Variants in MATCAP2 observed in about 807,000 individuals in gnomAD.
The protein encoded by MATCAP2 is microtubule associated tyrosine carboxypeptidase 2.
the MATCAP2 span, among the ~76,000 whole-genome samples, chr7:36,330,315 G>A: frequency 6.6e-6 from 1 of 151,884 alleles, no homozygotes; most frequent in Non-Finnish European, 1.5e-5. Flanking sequence ...CAAACTCCTG[G>A]CCTCAAGTGA....
the MATCAP2 span, among the ~76,000 whole-genome samples, chr7:36,345,014 G>A: frequency 6.6e-6 from 1 of 152,146 alleles, no homozygotes; most frequent in Non-Finnish European, 1.5e-5. Context: ...CAGCCTCCTA[G>A]TCCGCATGAA....
At chr7:36,364,839 G>C in the MATCAP2 span, among the ~76,000 whole-genome samples, 3 of 152,182 alleles carry the variant, frequency 2.0e-5, no homozygotes, top group Non-Finnish European at 4.4e-5. Flanking sequence ...GTATATTTAA[G>C]AGAGAAAGTA....
chr7:36,341,688 A>G, the MATCAP2 span, among the ~76,000 whole-genome samples: 1 of 152,180 alleles, frequency 6.6e-6, no homozygotes, highest in South Asian at 2.1e-4. Context: ...TGATCACCTG[A>G]GGCCAGAAGT....
chr7:36,329,710 T>G, the MATCAP2 span, among the ~76,000 whole-genome samples: 38 of 152,208 alleles, frequency 2.5e-4, no homozygotes, highest in Non-Finnish European at 4.7e-4. Flanking sequence ...CCAGTGTAAT[T>G]GATTTGGGAA....
chr7:36,345,957 T>C, the MATCAP2 span, among the ~76,000 whole-genome samples: 3 of 152,102 alleles, frequency 2.0e-5, no homozygotes, highest in African/African-American at 7.2e-5. Flanking sequence ...CTAAAATATA[T>C]AAAGAACTCC....
the MATCAP2 span, chr7:36,326,899 T>G: frequency 1.2e-5 from 20 of 1,608,054 alleles, no homozygotes; most frequent in East Asian, 4.5e-4. Context: ...TTTTAAGCGA[T>G]CCACATCTTC....
chr7:36,357,147 A>C, the MATCAP2 span: 1 of 1,614,176 alleles, frequency 6.2e-7, no homozygotes, highest in South Asian at 1.1e-5. Flanking sequence ...AAATGGCACC[A>C]CTTGACCTTG....
At chr7:36,345,506 A>G in the MATCAP2 span, among the ~76,000 whole-genome samples, 1 of 152,192 alleles carries the variant, frequency 6.6e-6, no homozygotes, top group Admixed American at 6.5e-5. Context: ...TTACAATGCC[A>G]CACAAAATAG....
chr7:36,329,062 A>G, the MATCAP2 span, among the ~76,000 whole-genome samples: 38 of 152,134 alleles, frequency 2.5e-4, no homozygotes, highest in Non-Finnish European at 4.3e-4. Flanking sequence ...AAATAAATAA[A>G]TAAAATTAAA....
the MATCAP2 span, among the ~76,000 whole-genome samples, chr7:36,371,186 G>T: frequency 7.2e-5 from 11 of 151,958 alleles, no homozygotes; most frequent in African/African-American, 2.4e-4. Context: ...GTTCACTGGA[G>T]CTTCAACCTC....
chr7:36,335,929 G>A, the MATCAP2 span, among the ~76,000 whole-genome samples: 1 of 152,132 alleles, frequency 6.6e-6, no homozygotes, highest in African/African-American at 2.4e-5. Flanking sequence ...AAAATTAGCT[G>A]GGTGTGGTGG....
At chr7:36,362,751 T>C in the MATCAP2 span, among the ~76,000 whole-genome samples, 1 of 152,324 alleles carries the variant, frequency 6.6e-6, no homozygotes, top group South Asian at 2.1e-4. Context: ...CACATGCTGC[T>C]CCCTGTGTCT....
At chr7:36,329,948 A>G in the MATCAP2 span, among the ~76,000 whole-genome samples, 24 of 152,312 alleles carry the variant, frequency 1.6e-4, no homozygotes, top group African/African-American at 5.5e-4. Context: ...TCACTTATGT[A>G]GTATTCTTGG....
the MATCAP2 span, among the ~76,000 whole-genome samples, chr7:36,374,241 G>C: frequency 1.3e-5 from 2 of 150,344 alleles, no homozygotes; most frequent in African/African-American, 4.9e-5. Context: ...ACCATGCAAG[G>C]CTAACTTTTT....
chr7:36,376,242 C>T, the MATCAP2 span, among the ~76,000 whole-genome samples: 4 of 152,172 alleles, frequency 2.6e-5, no homozygotes, highest in Non-Finnish European at 5.9e-5. Flanking sequence ...CTATAAATTT[C>T]CCTCTACACA....
chr7:36,387,258 A>G, the MATCAP2 span, among the ~76,000 whole-genome samples: 1 of 152,162 alleles, frequency 6.6e-6, no homozygotes, highest in Non-Finnish European at 1.5e-5. Context: ...TCAAATCAAG[A>G]TAGTTTTACC....
the MATCAP2 span, chr7:36,330,987 C>T: frequency 4.4e-6 from 7 of 1,604,848 alleles, no homozygotes; most frequent in Non-Finnish European, 6.0e-6. Flanking sequence ...CTCACCTTCC[C>T]GAGAGCAGTC....
At chr7:36,370,223 T>TAA in the MATCAP2 span, among the ~76,000 whole-genome samples, 1 of 152,242 alleles carries the variant, frequency 6.6e-6, no homozygotes, top group African/African-American at 2.4e-5. Context: ...CTATGCCTGC[T>TAA]TAGTGTTTCC....
chr7:36,372,595 GT>G, the MATCAP2 span, among the ~76,000 whole-genome samples: 9 of 152,276 alleles, frequency 5.9e-5, 1 homozygote, highest in South Asian at 1.5e-3. Flanking sequence ...TGTAAATGAT[GT>G]TTTTAATGTT....
Sources: allele counts gnomAD v4.1 joint callset (sites outside exome capture counted in the v4.1 genomes callset), GRCh38; gene constraint gnomAD v4.1.1; transcripts MANE v1.5; gene names NCBI Gene and HGNC (gene_info 2026-07-23, HGNC 2026-07-21).